The following ERBB4 variants were observed in gnomAD, a reference collection of about 807,000 sequenced individuals.
The protein encoded by ERBB4 is receptor tyrosine-protein kinase erbB-4.
ERBB4 carries 42 observed loss-of-function variants against 158.0 expected under a neutral mutation model. The observed-to-expected ratio is 0.27, with a 90% CI of 0.21 to 0.34. The LOEUF is 0.34. Ranked by LOEUF, ERBB4 falls within the 10% of genes least tolerant of loss-of-function variation. The pLI, the probability that ERBB4 is intolerant of heterozygous loss-of-function variation, is 1.00. For synonymous variants in ERBB4, 583 were observed against 558.7 expected (o/e 1.04, Z -0.61); for missense variants, 1,333 against 1,624.1 (o/e 0.82, Z 3.08).
rs1310841649 is a variant in ERBB4, at chr2:211,685,624, A to G, written c.1490-6440T>C. On this transcript the variant is annotated intron_variant, in intron 12 of 27. Coordinates refer to ENST00000342788, the MANE Select transcript of ERBB4 (RefSeq NM_005235.3). ...GACTAACTTGTTTGCCTTTCCATAC[A>G]AATTGTATAATAATCTTGTCTCTAT... 3.9e-5 allele frequency among the ~76,000 whole-genome samples: 6 copies of G among 152,326 alleles called. No individual in the cohort carries two copies. In the East Asian group the frequency reaches 9.6e-4, roughly 24 times the overall value.
At position 211,387,659 on chromosome 2, in the gene ERBB4, TA is replaced by T. The variant is rs10715803; in HGVS notation, c.3183+285del. 0.24 allele frequency among the ~76,000 whole-genome samples: 35,794 copies of T among 152,142 alleles called. 4,644 individuals carry two copies. Among genetic ancestry groups the T allele is most frequent in the South Asian group, 0.46 (2,203 of 4,826 alleles). On this transcript the variant is annotated intron_variant, in intron 26 of 27. Coordinates refer to ENST00000342788, the MANE Select transcript of ERBB4 (RefSeq NM_005235.3). ...TTCTGACTTTTTAGTACATGACCAA[TA>T]ATCAGGGAAGTAAAGATCACCTCCA...
chr2:212,506,301 G>C (rs1251292013), intron 1 of ERBB4, among the ~76,000 whole-genome samples: 1 of 148,234 alleles, frequency 6.7e-6, no homozygotes, highest in Non-Finnish European at 1.5e-5. Flanking sequence ...TATAAATTAG[G>C]CCAATTAATA....
intron 3 of ERBB4, among the ~76,000 whole-genome samples, chr2:211,800,676 A>C (rs1301183618): frequency 6.6e-6 from 1 of 151,626 alleles, no homozygotes; most frequent in African/African-American, 2.4e-5. Context: ...AAAAAAAAAA[A>C]AAAACCTCTT....
intron 20 of ERBB4, among the ~76,000 whole-genome samples, chr2:211,493,019 G>A (rs1014264718): frequency 6.6e-6 from 1 of 152,088 alleles, no homozygotes; most frequent in African/African-American, 2.4e-5. Flanking sequence ...GGTTTTATAT[G>A]TCATTAATGA....
intron 1 of ERBB4, among the ~76,000 whole-genome samples, chr2:212,328,743 T>G (rs2087986480): frequency 6.6e-6 from 1 of 152,040 alleles, no homozygotes; most frequent in Non-Finnish European, 1.5e-5. Flanking sequence ...GAGACAAATC[T>G]AAATTTTTAG....
chr2:211,889,714 A>C (rs2078912836), intron 3 of ERBB4, among the ~76,000 whole-genome samples: 1 of 149,372 alleles, frequency 6.7e-6, no homozygotes, highest in Non-Finnish European at 1.5e-5. Flanking sequence ...TGCTTAAAGC[A>C]GCTGATGGAG....
chr2:212,164,284 G>A (rs969108366), intron 1 of ERBB4, among the ~76,000 whole-genome samples: 7 of 110,008 alleles, frequency 6.4e-5, no homozygotes, highest in Admixed American at 2.8e-4. Context: ...TTTCAAAGAC[G>A]TATGATATTT....
At chr2:211,865,289 T>A (rs1161061473) in intron 3 of ERBB4, among the ~76,000 whole-genome samples, 3 of 151,960 alleles carry the variant, frequency 2.0e-5, no homozygotes, top group Non-Finnish European at 4.4e-5. Context: ...GTCCTGACCA[T>A]AATATTAAAT....
chr2:212,446,114 A>G (rs1301407456), intron 1 of ERBB4, among the ~76,000 whole-genome samples: 1 of 152,138 alleles, frequency 6.6e-6, no homozygotes, highest in Non-Finnish European at 1.5e-5. Flanking sequence ...TATGTTAGGC[A>G]TAATTATGAC....
At chr2:211,764,160 T>C (rs1407363121) in intron 4 of ERBB4, among the ~76,000 whole-genome samples, 1 of 152,144 alleles carries the variant, frequency 6.6e-6, no homozygotes, top group Non-Finnish European at 1.5e-5. Context: ...ATAATGGACA[T>C]ATAATATATT....
rs1270112543 is a variant in ERBB4, at chr2:211,810,875, C to T, written c.422-22716G>A. Among the ~76,000 whole-genome samples, 3 of 151,674 alleles carry T rather than the reference C, an allele frequency of 2.0e-5. No individual in the cohort carries two copies. In the South Asian group the frequency reaches 6.3e-4, roughly 32 times the overall value. ...ATTTTTAGTAGAGACGGGGTTTCAC[C>T]TTGTTAGCCAGGATGGTCTCGATCT... On this transcript the variant is annotated intron_variant, in intron 3 of 27. Coordinates refer to ENST00000342788, the MANE Select transcript of ERBB4 (RefSeq NM_005235.3).
chr2:212,337,661 C>T (rs757835697), intron 1 of ERBB4, among the ~76,000 whole-genome samples: 2 of 152,060 alleles, frequency 1.3e-5, no homozygotes, highest in African/African-American at 2.4e-5. Context: ...AAATACCTCT[C>T]GCATATCTAA....
chr2:211,472,729 A>T (rs899701111), intron 20 of ERBB4, among the ~76,000 whole-genome samples: 6 of 151,828 alleles, frequency 4.0e-5, no homozygotes, highest in African/African-American at 1.5e-4. Context: ...ATGTTTTGTT[A>T]TCTTGTTCCT....
chr2:212,148,578 G>T (rs1250995939), intron 1 of ERBB4, among the ~76,000 whole-genome samples: 2 of 152,116 alleles, frequency 1.3e-5, no homozygotes, highest in African/African-American at 2.4e-5. Flanking sequence ...ATATTTCAAA[G>T]ATGAGAAAGA....
intron 20 of ERBB4, among the ~76,000 whole-genome samples, chr2:211,486,945 T>C (rs538581879): frequency 2.6e-5 from 4 of 151,838 alleles, no homozygotes; most frequent in South Asian, 4.1e-4. Context: ...CATCAGATAA[T>C]ATATTCTTAA....
chr2:212,079,226 AC>A (rs2078363206), intron 2 of ERBB4, among the ~76,000 whole-genome samples: 3 of 151,324 alleles, frequency 2.0e-5, no homozygotes, highest in Non-Finnish European at 4.4e-5. Flanking sequence ...GCCAAATTTC[AC>A]CCCCCAATAA....
intron 9 of ERBB4, among the ~76,000 whole-genome samples, chr2:211,707,605 T>C (rs2073500214): frequency 6.6e-6 from 1 of 152,174 alleles, no homozygotes; most frequent in South Asian, 2.1e-4. Context: ...ACATGCTTAT[T>C]TGGTGAGCAT....
chr2:211,666,959 G>A (rs149653576), intron 14 of ERBB4, among the ~76,000 whole-genome samples: 1 of 152,264 alleles, frequency 6.6e-6, no homozygotes, highest in Non-Finnish European at 1.5e-5. Context: ...ATTAGGTAGG[G>A]ATTGTAAAGA....
At chr2:211,732,316 G>A (rs6711487) in intron 5 of ERBB4, among the ~76,000 whole-genome samples, 104,093 of 151,704 alleles carry the variant, frequency 0.69, 36,357 homozygotes, top group African/African-American at 0.83. Context: ...ACCAGCCACA[G>A]TGTATTATCT....
Sources: allele counts gnomAD v4.1 joint callset (sites outside exome capture counted in the v4.1 genomes callset), GRCh38; gene constraint gnomAD v4.1.1; transcripts MANE v1.5; gene names NCBI Gene and HGNC (gene_info 2026-07-23, HGNC 2026-07-21).